Variants in RGPD8 observed in about 807,000 individuals in gnomAD.
The protein encoded by RGPD8 is RANBP2 like and GRIP domain containing 8, also known as RANBP2-like and GRIP domain-containing protein 8.
RGPD8 carries 15 observed loss-of-function variants against 89.1 expected under a neutral mutation model. The observed-to-expected ratio is 0.17, with a 90% CI of 0.11 to 0.26. The LOEUF (loss-of-function observed/expected upper bound fraction) is 0.26. Ranked by LOEUF, RGPD8 falls within the 10% of genes least tolerant of loss-of-function variation. The pLI is 1.00. For synonymous variants in RGPD8, 62 were observed against 420.9 expected (o/e 0.15, Z 10.44); for missense variants, 178 against 1,179.6 (o/e 0.15, Z 12.44).
At chr2:112,414,246 C>T (rs1211725906) in intron 6 of RGPD8, among the ~76,000 whole-genome samples, 5 of 131,882 alleles carry the variant, frequency 3.8e-5, no homozygotes, top group African/African-American at 6.1e-5. Context: ...GAGGCCGAGG[C>T]GGGTGGATCA....
chr2:112,432,201 C>T lies in RGPD8; in HGVS notation c.72+1181G>A, dbSNP rs533555483. 8.5e-5 allele frequency among the ~76,000 whole-genome samples: 13 copies of T among 152,234 alleles called. No individual in the cohort carries two copies. The South Asian group carries it at 2.7e-3, about 32-fold the overall frequency. ...TAGCTTCTTCCGTCACTCTTTAGAT[C>T]CAATGACTAAAGTCTTATTGAATCC... On this transcript the variant is annotated intron_variant, in intron 1 of 22. Coordinates refer to ENST00000302558, the MANE Select transcript of RGPD8 (RefSeq NM_001164463.1).
chr2:112,415,427 T>A (rs1679357129), intron 6 of RGPD8, among the ~76,000 whole-genome samples: 1 of 151,048 alleles, frequency 6.6e-6, no homozygotes, highest in East Asian at 2.0e-4. Context: ...TGGCACCAGC[T>A]TTTTATCTTC....
intron 7 of RGPD8, among the ~76,000 whole-genome samples, chr2:112,410,595 G>A (rs540974457): frequency 5.2e-4 from 78 of 149,538 alleles, no homozygotes; most frequent in African/African-American, 2.0e-3. Flanking sequence ...GGCTAACATG[G>A]TGAAATCCCA....
intron 22 of RGPD8, among the ~76,000 whole-genome samples, chr2:112,374,723 G>A (rs1364749778): frequency 1.4e-4 from 19 of 132,660 alleles, no homozygotes; most frequent in African/African-American, 4.5e-4. Flanking sequence ...TATATTATCT[G>A]TGCTGTATTC....
Position 112,416,120 on chromosome 2 carries a change from G to GA in RGPD8, c.782+1072dup, listed in dbSNP as rs1233350382. 8.7e-5 allele frequency among the ~76,000 whole-genome samples: 12 copies of GA among 138,612 alleles called. No homozygotes were observed. In the East Asian group the frequency reaches 2.5e-3, roughly 29 times the overall value. The allele number at this position is 138,612 out of a possible 152,430, so 90.9% of individuals were successfully genotyped here. On this transcript the variant is annotated intron_variant, in intron 6 of 22. Transcript: ENST00000302558. The stretch of plus-strand genomic sequence containing the variant: ...AAAAAAAAAAAAAAAAAGAAAGAAA[G>GA]AAAAAAAGGAACCCACATACAAAGA...
intron 1 of RGPD8, among the ~76,000 whole-genome samples, chr2:112,427,673 C>G (rs571316705): frequency 6.6e-6 from 1 of 150,918 alleles, no homozygotes; most frequent in African/African-American, 2.5e-5. Flanking sequence ...TTAATTCAAA[C>G]GGAGTCTCAC....
chr2:112,433,473 C>A lies in RGPD8; in HGVS notation c.-20G>T. 1 of 1,604,686 alleles carries A rather than the reference C, an allele frequency of 6.2e-7. No individual in the cohort carries two copies. Among genetic ancestry groups the A allele is most frequent in the East Asian group, 2.2e-5 (1 of 44,704 alleles). On this transcript the variant is annotated 5_prime_UTR_variant, in exon 1 of 23. Coordinates refer to ENST00000302558, the MANE Select transcript of RGPD8 (RefSeq NM_001164463.1). Reference sequence around the variant, plus strand: ...CCTCATCGCGCCGCCAACCTGGCTCCCGAGACGCGTGCGAGCACCGCTCAG... The same window carrying A: ...CCTCATCGCGCCGCCAACCTGGCTCACGAGACGCGTGCGAGCACCGCTCAG...
chr2:112,388,484 TG>T lies in RGPD8; in HGVS notation c.4460del (p.Pro1487HisfsTer7), dbSNP rs1678550971. On this transcript the variant is annotated frameshift_variant, in exon 20 of 23. Transcript: ENST00000302558. LOFTEE classifies it high-confidence loss of function. ...ATACAGCTACAGCAATTTTGCCACA[TG>T]GTGACTCTCTGGGAGTGCTTGACCG... ...VSRSSTPRESPCGKIAVAVLE... is the reference protein window; with the variant it reads ...VSRSSTPRESXCGKIAVAVLE... 1 of 1,562,762 alleles carries T rather than the reference TG, an allele frequency of 6.4e-7. No homozygotes were observed. Among genetic ancestry groups the T allele is most frequent in the Non-Finnish European group, 8.7e-7 (1 of 1,149,040 alleles).
In RGPD8 at chr2:112,433,589, C is replaced by T. The variant is rs939211701; in HGVS notation, c.-136G>A. 8 of 949,228 alleles carry T rather than the reference C, an allele frequency of 8.4e-6. No individual in the cohort carries two copies. Among genetic ancestry groups the T allele is most frequent in the Admixed American group, 5.4e-5 (2 of 36,908 alleles). 58.8% of individuals were successfully genotyped at this position (949,228 alleles called of 1,614,324 possible). A position where few individuals can be genotyped will look rare whatever the true frequency, so the allele number is the denominator to read the frequency against. On this transcript the variant is annotated 5_prime_UTR_variant, in exon 1 of 23. Coordinates refer to ENST00000302558, the MANE Select transcript of RGPD8 (RefSeq NM_001164463.1). ...GCGGAGGCCCACTGTGACGAGCGTG[C>T]GGCGCCGCCCACGGAGGCCCACTGT... is the stretch of plus-strand genomic sequence containing the variant.
rs1056730355 is a variant in RGPD8, at chr2:112,433,612, T to A, written c.-159A>T. ...TGCGGCGCCGCCCACGGAGGCCCAC[T>A]GTGACGAACCTGCGTTCTGCCTCAG... On this transcript the variant is annotated 5_prime_UTR_variant, in exon 1 of 23. Transcript: ENST00000302558. 10 of 802,520 alleles carry A rather than the reference T, an allele frequency of 1.2e-5. No individual in the cohort carries two copies. In the African/African-American group the frequency reaches 1.6e-4, roughly 13 times the overall value. The allele number at this position is 802,520 out of a possible 1,614,324, so 49.7% of individuals were successfully genotyped here.
chr2:112,405,050 ATG>A (rs1678988468), intron 8 of RGPD8, among the ~76,000 whole-genome samples: 1 of 152,114 alleles, frequency 6.6e-6, no homozygotes. Context: ...ACCACATACT[ATG>A]ATTCCATTTA....
rs1246019157 is a variant in RGPD8 at position 112,415,006 on chromosome 2, C to T, written c.782+2187G>A. Among the ~76,000 whole-genome samples the T allele has an allele frequency of 4.1e-4, 54 of 130,412 alleles. 1 individual carries two copies. Among genetic ancestry groups the T allele is most frequent in the African/African-American group, 1.3e-3 (44 of 33,274 alleles). The allele number at this position is 130,412 out of a possible 152,430, so 85.6% of individuals were successfully genotyped here. A position where few individuals can be genotyped will look rare whatever the true frequency, so the allele number is the denominator to read the frequency against. ...CTGCACTCCAGCCTGGGCAACAGAGCGAGACTCCATCTCAAAAAAAAAAAA... is the reference window on the plus strand; with the variant it reads ...CTGCACTCCAGCCTGGGCAACAGAGTGAGACTCCATCTCAAAAAAAAAAAA... On this transcript the variant is annotated intron_variant, in intron 6 of 22. Transcript: ENST00000302558.
At chr2:112,387,901 AT>A in intron 20 of RGPD8, 122 bp downstream of exon 20, 3 of 1,049,098 alleles carry the variant, frequency 2.9e-6, no homozygotes, top group Non-Finnish European at 1.4e-6. Context: ...TTGCTCAAAT[AT>A]TTTGGGGGTG....
chr2:112,423,890 C>T (rs902283708), intron 2 of RGPD8, among the ~76,000 whole-genome samples: 2 of 152,202 alleles, frequency 1.3e-5, no homozygotes, highest in African/African-American at 4.8e-5. Flanking sequence ...GTTTTTTATT[C>T]ATTGCTATTT....
intron 22 of RGPD8, among the ~76,000 whole-genome samples, chr2:112,370,769 A>G (rs2104755977): frequency 7.0e-6 from 1 of 142,516 alleles, no homozygotes; most frequent in Non-Finnish European, 1.5e-5. Flanking sequence ...TTTCTATTTT[A>G]GCTTTAAAAC....
At position 112,391,035 on chromosome 2, in the gene RGPD8, C is replaced by G; in HGVS notation, c.2637G>C (p.Gln879His). Reference sequence around the variant, plus strand: ...GATACTGGGAATTATATGCTGGTGACTGACTATAATATACTGAAGGGCCAG... The same window carrying G: ...GATACTGGGAATTATATGCTGGTGAGTGACTATAATATACTGAAGGGCCAG... The part of the protein sequence containing the change: ...ATTGPSVYYS[Q>H]SPAYNSQYLL... Residue 879 changes from glutamine to histidine, a missense_variant, in exon 19 of 23, where the codon CAG becomes CAC. By Grantham distance (24) the Gln-to-His change is conservative (BLOSUM62 0). Coordinates refer to ENST00000302558, the MANE Select transcript of RGPD8 (RefSeq NM_001164463.1). The G allele has an allele frequency of 6.4e-7, 1 of 1,573,896 alleles. No homozygotes were observed. Among genetic ancestry groups the G allele is most frequent in the South Asian group, 1.1e-5 (1 of 87,372 alleles).
intron 6 of RGPD8, 21 bp downstream of exon 6, chr2:112,417,172 T>A (rs1679449339): frequency 6.2e-7 from 1 of 1,608,392 alleles, no homozygotes; most frequent in Non-Finnish European, 8.5e-7. Context: ...TACTAAAGCA[T>A]TCTCCTCAAA....
At chr2:112,431,641 GTTTTT>G (rs368409381) in intron 1 of RGPD8, among the ~76,000 whole-genome samples, 3,456 of 141,272 alleles carry the variant, frequency 0.024, 62 homozygotes, top group Admixed American at 0.037. Context: ...TGAGTTTCTG[GTTTTT>G]TTTTTTTTTT....
intron 22 of RGPD8, among the ~76,000 whole-genome samples, chr2:112,376,740 G>T (rs1211287104): frequency 6.6e-6 from 1 of 151,252 alleles, no homozygotes; most frequent in Non-Finnish European, 1.5e-5. Flanking sequence ...GGGAGGCGGA[G>T]GTTGCAGTGA....
Sources: gnomAD v4.1 joint callset for allele counts (sites outside exome capture counted in the v4.1 genomes callset) on GRCh38, gnomAD v4.1.1 for gene constraint, MANE v1.5 for transcripts, NCBI Gene and HGNC (gene_info 2026-07-23, HGNC 2026-07-21) for gene names.